The following ANKS1A variants were observed in gnomAD, a reference collection of about 807,000 sequenced individuals.
The protein encoded by ANKS1A is ankyrin repeat and sterile alpha motif domain containing 1A.
ANKS1A carries 55 observed loss-of-function variants against 120.3 expected under a neutral mutation model. That is an observed-to-expected ratio of 0.46 (90% CI 0.37 to 0.57). The LOEUF (loss-of-function observed/expected upper bound fraction) is 0.57, where lower values mean the gene tolerates loss of function less well. Among genes scored for constraint, ANKS1A ranks in the 20% least tolerant of loss-of-function variants. ANKS1A has a pLI of 0.00. For missense variants in ANKS1A, 1,123 were observed against 1,480.3 expected, an observed-to-expected ratio of 0.76 and a Z score of 3.96; for synonymous variants, 590 against 604.7, an observed-to-expected ratio of 0.98 and a Z score of 0.36.
chr6:35,096,161 T>C (rs1357704938), downstream of ANKS1A, among the ~76,000 whole-genome samples: 2 of 152,168 alleles, frequency 1.3e-5, no homozygotes, highest in South Asian at 2.1e-4. Flanking sequence ...TCTTCATGAG[T>C]TGCCTTTTCC....
intron 1 of ANKS1A, among the ~76,000 whole-genome samples, chr6:34,946,600 A>G (rs537999565): frequency 4.6e-4 from 66 of 144,760 alleles, no homozygotes; most frequent in East Asian, 1.6e-3. Context: ...AAAAAAAAAA[A>G]GGGGGGGTTA....
At position 34,889,924 on chromosome 6, in the gene ANKS1A, A is replaced by G. The variant is rs977966689; in HGVS notation, c.197+325A>G. ...CAGCTATCGTAGCTCACAAAAGCCA[A>G]TTAAGAGCAAATATGTATATCTTAT... On this transcript the variant is annotated intron_variant, in intron 1 of 23. Coordinates refer to ENST00000360359, the MANE Select transcript of ANKS1A (RefSeq NM_015245.3). This position sits in a 1 kb window ranked among gnomAD's most constrained non-coding sequence, Gnocchi z 5.5. Among the ~76,000 whole-genome samples the G allele has an allele frequency of 1.3e-5, 2 of 148,650 alleles. No individual in the cohort carries two copies. The highest frequency in any genetic ancestry group is 2.9e-5 in the Non-Finnish European group (2 of 67,870).
intron 11 of ANKS1A, among the ~76,000 whole-genome samples, chr6:35,032,753 T>A (rs972207510): frequency 6.6e-6 from 1 of 152,214 alleles, no homozygotes; most frequent in Non-Finnish European, 1.5e-5. Flanking sequence ...TTTCTTTCTC[T>A]AATAATAAGG....
At position 35,086,987 on chromosome 6, in the gene ANKS1A, C is replaced by G; in HGVS notation, c.3339C>G (p.Ser1113=). 6.2e-7 allele frequency: 1 copy of G among 1,614,184 alleles called. No homozygotes were observed. The highest frequency in any genetic ancestry group is 8.5e-7 in the Non-Finnish European group (1 of 1,180,028). The change falls in exon 23 of 24, where the codon TCC becomes TCG. Residue 1113 remains serine, a synonymous_variant. Transcript: ENST00000360359. The surrounding 1 kb of genome is among the most constrained non-coding windows in gnomAD (Gnocchi z 5.1). ...EPPDMDQDAQ[S]HASVSWVVDP... is the part of the protein sequence containing the mutation. ...CTGATATGGACCAAGATGCCCAATC[C>G]CATGCCAGTGTCTCCTGGGTTGTGG...
intron 9 of ANKS1A, among the ~76,000 whole-genome samples, chr6:34,993,630 G>A (rs1036272271): frequency 6.6e-6 from 1 of 152,236 alleles, no homozygotes; most frequent in African/African-American, 2.4e-5. Flanking sequence ...CAGGACCTCT[G>A]AAGAAAAGCT....
intron 11 of ANKS1A, among the ~76,000 whole-genome samples, chr6:35,048,798 A>G (rs564550773): frequency 1.3e-5 from 2 of 152,358 alleles, no homozygotes; most frequent in African/African-American, 4.8e-5. Flanking sequence ...TTTTGACGTC[A>G]GCAGTCGCCT....
chr6:35,056,891 G>T (rs550985060), intron 12 of ANKS1A, among the ~76,000 whole-genome samples: 1 of 152,114 alleles, frequency 6.6e-6, no homozygotes, highest in South Asian at 2.1e-4. Context: ...GTCAGGAGGG[G>T]GCTTTCCCCA....
chr6:34,986,874 G>A (rs1290389647), intron 8 of ANKS1A, among the ~76,000 whole-genome samples: 1 of 152,196 alleles, frequency 6.6e-6, no homozygotes, highest in African/African-American at 2.4e-5. Flanking sequence ...TAGGCACAAC[G>A]GAATTAAGCA....
intron 10 of ANKS1A, among the ~76,000 whole-genome samples, chr6:35,012,477 A>G (rs545331533): frequency 7.5e-4 from 114 of 152,316 alleles, no homozygotes; most frequent in African/African-American, 2.6e-3. Context: ...GAGGATTCCA[A>G]TCCTAATGAT....
At chr6:34,890,652 G>C (rs1474555658) in intron 1 of ANKS1A, among the ~76,000 whole-genome samples, 1 of 152,176 alleles carries the variant, frequency 6.6e-6, no homozygotes, top group Admixed American at 6.5e-5. Flanking sequence ...TGTAAGGACC[G>C]AGGGAAAAAC....
chr6:34,900,134 A>G (rs1477921190), intron 1 of ANKS1A, among the ~76,000 whole-genome samples: 1 of 152,170 alleles, frequency 6.6e-6, no homozygotes, highest in African/African-American at 2.4e-5. Flanking sequence ...TGTTATTTCC[A>G]TTTTACAGAT....
At chr6:35,007,689 T>C (rs1183389612) in intron 10 of ANKS1A, among the ~76,000 whole-genome samples, 1 of 152,204 alleles carries the variant, frequency 6.6e-6, no homozygotes, top group East Asian at 1.9e-4. Context: ...CCAGGTGAAG[T>C]GGTACTTAAC....
chr6:35,060,256 A>G lies in ANKS1A; in HGVS notation c.2184+3A>G. 6.2e-7 allele frequency: 1 copy of G among 1,608,240 alleles called. No individual in the cohort carries two copies. The highest frequency in any genetic ancestry group is 8.5e-7 in the Non-Finnish European group (1 of 1,178,208). On this transcript the variant is annotated splice_donor_region_variant and intron_variant, in intron 13 of 23. Coordinates refer to ENST00000360359, the MANE Select transcript of ANKS1A (RefSeq NM_015245.3). The surrounding 1 kb of genome is among the most constrained non-coding windows in gnomAD (Gnocchi z 4.5). ...GCTTTGACGATGTCCACTTCCTGGTAAGTGGCTGCAGGCCTCCTCAATGGC... is the reference window on the plus strand; with the variant it reads ...GCTTTGACGATGTCCACTTCCTGGTGAGTGGCTGCAGGCCTCCTCAATGGC...
At chr6:35,023,534 A>G in intron 11 of ANKS1A, 1 of 361,482 alleles carries the variant, frequency 2.8e-6, no homozygotes, top group Non-Finnish European at 5.7e-6. Context: ...CGGGACCAGC[A>G]TTTAGAAAGT....
chr6:34,889,501 G>A lies in ANKS1A; in HGVS notation c.99G>A (p.Gly33=). 1.6e-6 allele frequency: 2 copies of A among 1,277,036 alleles called. No individual in the cohort carries two copies. The highest frequency in any genetic ancestry group is 9.8e-7 in the Non-Finnish European group (1 of 1,020,700). The allele number at this position is 1,277,036 out of a possible 1,614,324, so 79.1% of individuals were successfully genotyped here. A position where few individuals can be genotyped will look rare whatever the true frequency, so the allele number is the denominator to read the frequency against. Residue 33 remains glycine (G), a synonymous_variant, in exon 1 of 24, where the codon GGG becomes GGA. Transcript: ENST00000360359. The surrounding 1 kb of genome is among the most constrained non-coding windows in gnomAD (Gnocchi z 5.5). The part of the protein sequence containing the change: ...LSGKRLSSGF[G]GGGGGGSGGG... ...GGAAGCGGCTCTCCTCAGGCTTTGGGGGCGGCGGCGGCGGTGGCTCTGGGG... is the reference window on the plus strand; with the variant it reads ...GGAAGCGGCTCTCCTCAGGCTTTGGAGGCGGCGGCGGCGGTGGCTCTGGGG...
chr6:35,065,653 T>C (rs1776736271), intron 13 of ANKS1A, among the ~76,000 whole-genome samples: 1 of 152,230 alleles, frequency 6.6e-6, no homozygotes, highest in Admixed American at 6.5e-5. Context: ...CCCAGGAAGA[T>C]GCAGCCCCTG....
chr6:35,067,412 G>A (rs1234416872), intron 13 of ANKS1A, among the ~76,000 whole-genome samples: 1 of 152,182 alleles, frequency 6.6e-6, no homozygotes, highest in Non-Finnish European at 1.5e-5. Context: ...CACCCCAGAC[G>A]AACGTGCTGA....
At chr6:34,949,769 C>T (rs1466445138) in intron 1 of ANKS1A, among the ~76,000 whole-genome samples, 1 of 152,146 alleles carries the variant, frequency 6.6e-6, no homozygotes, top group Non-Finnish European at 1.5e-5. Context: ...CCATTTGGTT[C>T]CTTCCCCTGG....
At chr6:34,915,157 A>G (rs767877454) in intron 1 of ANKS1A, among the ~76,000 whole-genome samples, 3 of 152,202 alleles carry the variant, frequency 2.0e-5, no homozygotes, top group South Asian at 2.1e-4. Context: ...TTTGAAGTCT[A>G]TCTACCTGAC....
Sources: gnomAD v4.1 joint callset for allele counts (sites outside exome capture counted in the v4.1 genomes callset) on GRCh38, gnomAD v4.1.1 for gene constraint, Gnocchi (gnomAD v3.1) non-coding constraint, MANE v1.5 for transcripts, NCBI Gene and HGNC (gene_info 2026-07-23, HGNC 2026-07-21) for gene names.